The following JAML variants were observed in gnomAD, a reference collection of about 807,000 sequenced individuals.
JAML encodes junction adhesion molecule like.
JAML carries 25 observed loss-of-function variants against 39.3 expected under a neutral mutation model. The ratio of observed to expected loss-of-function variants is 0.64; its 90% CI spans 0.46 to 0.89. The LOEUF (loss-of-function observed/expected upper bound fraction) is 0.89. Among genes scored for constraint, JAML ranks in the 40% least tolerant of loss-of-function variants. JAML has a pLI of 0.00. For synonymous variants in JAML, 162 were observed against 179.2 expected (o/e 0.90, Z 0.77); for missense variants, 440 against 486.9 (o/e 0.90, Z 0.91).
At chr11:118,199,236 G>A (rs912081627) in intron 7 of JAML, among the ~76,000 whole-genome samples, 1 of 152,178 alleles carries the variant, frequency 6.6e-6, no homozygotes, top group African/African-American at 2.4e-5. Flanking sequence ...ACTAGACATG[G>A]AAGTGCTACC....
At chr11:118,221,702 C>T (rs948269879) in intron 1 of JAML, among the ~76,000 whole-genome samples, 1 of 152,206 alleles carries the variant, frequency 6.6e-6, no homozygotes, top group East Asian at 1.9e-4. Flanking sequence ...ACTGCTAAAG[C>T]TTTGCCCTCT....
In JAML at chr11:118,196,807, G is replaced by T; in HGVS notation, c.1020C>A (p.Ser340=). ...ERCEGEKHIY[S]PIIVREVIEE... Reference sequence around the variant, plus strand: ...CGATCACCTCCCGTACAATTATTGGGGAGTAAATGTGTTTCTAGAGGGGGA... The same window carrying T: ...CGATCACCTCCCGTACAATTATTGGTGAGTAAATGTGTTTCTAGAGGGGGA... The change falls in exon 9 of 10, where the codon TCC becomes TCA. Residue 340 remains serine (S), a synonymous_variant. Transcript: ENST00000356289. The T allele has an allele frequency of 6.2e-7, 1 of 1,611,094 alleles. No homozygotes were observed. Among genetic ancestry groups the T allele is most frequent in the Non-Finnish European group, 8.5e-7 (1 of 1,177,372 alleles).
intron 1 of JAML, among the ~76,000 whole-genome samples, chr11:118,215,467 A>G (rs1949126883): frequency 6.6e-6 from 1 of 151,566 alleles, no homozygotes. Flanking sequence ...TTCCTGTCTC[A>G]GCCTCCTGAG....
Position 118,196,783 on chromosome 11 carries a change from G to C in JAML, c.1044C>G (p.Ile348Met). Residue 348 changes from isoleucine (I) to methionine (M), a missense_variant, in exon 9 of 10, where the codon ATC becomes ATG. By Grantham distance (10) the Ile-to-Met change is conservative. Coordinates refer to ENST00000356289, the MANE Select transcript of JAML (RefSeq NM_001098526.2). ...ATTTTTCACTTGGTTCTTCTTCCTC[G>C]ATCACCTCCCGTACAATTATTGGGG... ...IYSPIIVREV[I>M]EEEEPSEKSE... is the part of the protein sequence containing the mutation. The C allele has an allele frequency of 6.2e-7, 1 of 1,612,780 alleles. No individual in the cohort carries two copies. The highest frequency in any genetic ancestry group is 8.5e-7 in the Non-Finnish European group (1 of 1,178,904).
chr11:118,221,522 G>A (rs1272353988), intron 1 of JAML, among the ~76,000 whole-genome samples: 2 of 152,226 alleles, frequency 1.3e-5, no homozygotes, highest in Non-Finnish European at 2.9e-5. Context: ...TAGGGTTCAT[G>A]CTCCCGTGAG....
chr11:118,202,518 C>T (rs1948824981), intron 6 of JAML: 1 of 176,410 alleles, frequency 5.7e-6, no homozygotes, highest in African/African-American at 2.4e-5. Flanking sequence ...GGACCTTCCT[C>T]TGCCTCAGGA....
At chr11:118,207,750 A>G (rs914047495) in intron 4 of JAML, among the ~76,000 whole-genome samples, 2 of 151,372 alleles carry the variant, frequency 1.3e-5, no homozygotes, top group Non-Finnish European at 3.0e-5. Context: ...AGCTGGAAGA[A>G]AAAAAAAATA....
At chr11:118,195,031 G>A (rs1028267895) in intron 9 of JAML, among the ~76,000 whole-genome samples, 17 of 152,086 alleles carry the variant, frequency 1.1e-4, no homozygotes, top group South Asian at 8.3e-4. Context: ...AACCATAATC[G>A]CCTAGCATTA....
Position 118,197,728 on chromosome 11 carries a change from G to C in JAML, c.1005+270C>G, listed in dbSNP as rs772422846. On this transcript the variant is annotated intron_variant, in intron 8 of 9. Coordinates refer to ENST00000356289, the MANE Select transcript of JAML (RefSeq NM_001098526.2). ...ATCCTCATTTTGCTGATGAGACTCA[G>C]GGAGGTGGCAGATCTTACTGACTCC... The C allele has an allele frequency of 6.6e-5, 26 of 394,802 alleles. 1 individual carries two copies. Among genetic ancestry groups the C allele is most frequent in the Non-Finnish European group, 1.2e-4 (26 of 217,166 alleles). 24.5% of individuals were successfully genotyped at this position (394,802 alleles called of 1,614,324 possible).
intron 2 of JAML, chr11:118,213,256 G>T: frequency 1.8e-5 from 21 of 1,186,548 alleles, no homozygotes; most frequent in Non-Finnish European, 2.0e-5. Flanking sequence ...CCATTACATG[G>T]ATATTTCTGT....
At chr11:118,198,645 T>G (rs1468472196) in intron 7 of JAML, among the ~76,000 whole-genome samples, 1 of 150,784 alleles carries the variant, frequency 6.6e-6, no homozygotes, top group Non-Finnish European at 1.5e-5. Context: ...ACATACTTTC[T>G]TTTTTTCTAT....
At chr11:118,199,977 T>G (rs1591461148) in intron 7 of JAML, among the ~76,000 whole-genome samples, 1 of 152,166 alleles carries the variant, frequency 6.6e-6, no homozygotes, top group African/African-American at 2.4e-5. Flanking sequence ...ATTACAGGCA[T>G]GAGACACTGC....
At chr11:118,199,290 T>G (rs1225960311) in intron 7 of JAML, among the ~76,000 whole-genome samples, 1 of 152,188 alleles carries the variant, frequency 6.6e-6, no homozygotes, top group African/African-American at 2.4e-5. Flanking sequence ...GGAAGTAAGC[T>G]GAGAGTGGAA....
intron 7 of JAML, among the ~76,000 whole-genome samples, chr11:118,198,400 G>A (rs1488278677): frequency 6.6e-6 from 1 of 152,172 alleles, no homozygotes; most frequent in Non-Finnish European, 1.5e-5. Flanking sequence ...AGAGAGAGGG[G>A]AGATGGGATT....
rs1045733843 is a variant in JAML, at chr11:118,224,489, A to G, written c.-21+452T>C. On this transcript the variant is annotated intron_variant, in intron 1 of 9. Coordinates refer to ENST00000356289, the MANE Select transcript of JAML (RefSeq NM_001098526.2). Reference sequence around the variant, plus strand: ...GCTTCACCATAGTAAACTTTTTACTATCTACATGCATCCCACAACATCATG... The same window carrying G: ...GCTTCACCATAGTAAACTTTTTACTGTCTACATGCATCCCACAACATCATG... 5.3e-5 allele frequency among the ~76,000 whole-genome samples: 8 copies of G among 152,358 alleles called. No homozygotes were observed. In the East Asian group the frequency reaches 1.5e-3, roughly 29 times the overall value.
intron 1 of JAML, among the ~76,000 whole-genome samples, chr11:118,215,409 T>C (rs1417073798): frequency 2.0e-5 from 3 of 152,156 alleles, no homozygotes; most frequent in Non-Finnish European, 4.4e-5. Context: ...TCTCACTCTG[T>C]TGCCCAGGCT....
chr11:118,208,746 A>G (rs112287201), intron 4 of JAML, among the ~76,000 whole-genome samples: 329 of 152,294 alleles, frequency 2.2e-3, no homozygotes, highest in African/African-American at 7.7e-3. Context: ...TCATTTATGT[A>G]TTTTTATTTG....
Position 118,212,486 on chromosome 11 carries a change from A to G in JAML, c.119T>C (p.Met40Thr), listed in dbSNP as rs1394983923. 1.2e-6 allele frequency: 2 copies of G among 1,614,172 alleles called. No homozygotes were observed. Among genetic ancestry groups the G allele is most frequent in the African/African-American group, 1.3e-5 (1 of 75,036 alleles). The change falls in exon 3 of 10, where the codon ATG (methionine) becomes ACG (threonine). Residue 40 changes from methionine to threonine, a missense_variant. Transcript: ENST00000356289. Reference sequence around the variant, plus strand: ...TTCTGTGCTCTGGAAAACACATCCCATCAGAGCTGAATCACCCACATGGAC... The same window carrying G: ...TTCTGTGCTCTGGAAAACACATCCCGTCAGAGCTGAATCACCCACATGGAC... ...LTVHVGDSAL[M>T]GCVFQSTEDK...
rs147800653 is a variant in JAML, at chr11:118,210,512, C to T, written c.399G>A (p.Leu133=). 3 of 1,614,092 alleles carry T rather than the reference C, an allele frequency of 1.9e-6. No homozygotes were observed. The highest frequency in any genetic ancestry group is 2.7e-5 in the African/African-American group (2 of 75,046). ...ESQVFKKAVV[L]HVLPEEPKEL... ...CTTTGGGCTCCTCTGGAAGCACATG[C>T]AGTACCACCGCCTTCTTGAACACCT... The change falls in exon 4 of 10, where the codon CTG becomes CTA. Residue 133 remains leucine, a synonymous_variant. Transcript: ENST00000356289.
Sources: gnomAD v4.1 joint callset for allele counts (sites outside exome capture counted in the v4.1 genomes callset) on GRCh38, gnomAD v4.1.1 for gene constraint, MANE v1.5 for transcripts, NCBI Gene and HGNC (gene_info 2026-07-23, HGNC 2026-07-21) for gene names.